The following AFG3L2 variants were observed in gnomAD, a reference collection of about 807,000 sequenced individuals.
The protein encoded by AFG3L2 is AFG3 like matrix AAA peptidase subunit 2, also known as mitochondrial inner membrane m-AAA protease component AFG3L2.
In AFG3L2, 54 loss-of-function variants were observed where a neutral mutation model predicts 94.5. That is an observed-to-expected ratio of 0.57 (90% CI 0.46 to 0.72). The LOEUF is 0.72. Among genes scored for constraint, AFG3L2 ranks in the 30% least tolerant of loss-of-function variants. The pLI, the probability that AFG3L2 is intolerant of heterozygous loss-of-function variation, is 0.00. For missense variants in AFG3L2, 754 were observed against 994.9 expected (o/e 0.76, Z 3.26); for synonymous variants, 377 against 365.5 (o/e 1.03, Z -0.36).
chr18:12,368,739 T>G (rs557405921), intron 3 of AFG3L2, among the ~76,000 whole-genome samples: 1 of 152,218 alleles, frequency 6.6e-6, no homozygotes, highest in Admixed American at 6.5e-5. Flanking sequence ...TAGTTGGGAT[T>G]ACAGGAGCAC....
chr18:12,335,666 C>A (rs557323501), intron 16 of AFG3L2, among the ~76,000 whole-genome samples: 1 of 152,196 alleles, frequency 6.6e-6, no homozygotes, highest in African/African-American at 2.4e-5. Context: ...AGGCTCAGGG[C>A]TGCCCCCGGG....
intron 13 of AFG3L2, among the ~76,000 whole-genome samples, chr18:12,345,098 A>G (rs1908091306): frequency 6.6e-6 from 1 of 152,226 alleles, no homozygotes; most frequent in African/African-American, 2.4e-5. Context: ...GGAGCTACCT[A>G]GGTGGAGCCA....
chr18:12,336,416 C>T (rs573437837), intron 16 of AFG3L2, among the ~76,000 whole-genome samples: 1 of 152,328 alleles, frequency 6.6e-6, no homozygotes, highest in South Asian at 2.1e-4. Context: ...GGATAGCTTC[C>T]ATGCCCTATG....
At position 12,337,593 on chromosome 18, in the gene AFG3L2, C is replaced by G. The variant is rs930385494; in HGVS notation, c.1981-58G>C. The G allele has an allele frequency of 4.2e-5, 66 of 1,555,008 alleles. 1 individual carries two copies. In the African/African-American group the frequency reaches 4.5e-4, roughly 11 times the overall value. On this transcript the variant is annotated intron_variant, in intron 15 of 16. Transcript: ENST00000269143. ...TGATTGTTCTTTAACCAGACAAAATCTACACAGCAGCCTGGAGCCGGCTAA... is the reference window on the plus strand; with the variant it reads ...TGATTGTTCTTTAACCAGACAAAATGTACACAGCAGCCTGGAGCCGGCTAA...
intron 9 of AFG3L2, among the ~76,000 whole-genome samples, chr18:12,356,304 A>G (rs1199544430): frequency 1.3e-5 from 2 of 152,108 alleles, no homozygotes; most frequent in African/African-American, 2.4e-5. Flanking sequence ...GGCATGCGCG[A>G]CCACGCCTGG....
At chr18:12,345,374 C>T (rs1908102222) in intron 13 of AFG3L2, among the ~76,000 whole-genome samples, 1 of 152,186 alleles carries the variant, frequency 6.6e-6, no homozygotes, top group Non-Finnish European at 1.5e-5. Flanking sequence ...TAAAACAAAT[C>T]ATCACACAGT....
chr18:12,347,528 G>A (rs1908180809), intron 13 of AFG3L2, among the ~76,000 whole-genome samples: 1 of 149,792 alleles, frequency 6.7e-6, no homozygotes, highest in African/African-American at 2.5e-5. Context: ...GCCTGTTACA[G>A]TTATTTTATT....
At chr18:12,341,582 C>T (rs1356121923) in intron 14 of AFG3L2, 1 of 152,208 alleles carries the variant, frequency 6.6e-6, no homozygotes, top group Non-Finnish European at 1.5e-5. Flanking sequence ...ATAGATACTG[C>T]TGTATGTATT....
At chr18:12,356,230 C>A (rs1908490632) in intron 9 of AFG3L2, among the ~76,000 whole-genome samples, 1 of 151,234 alleles carries the variant, frequency 6.6e-6, no homozygotes, top group Non-Finnish European at 1.5e-5. Flanking sequence ...TGGTTCACTG[C>A]AACTTCTGCC....
intron 14 of AFG3L2, chr18:12,342,927 G>T (rs1908000200): frequency 6.6e-6 from 1 of 152,036 alleles, no homozygotes; most frequent in Non-Finnish European, 1.5e-5. Context: ...TTAATACTGG[G>T]ATGAGTAACT....
In AFG3L2 at chr18:12,377,132, G is replaced by A. The variant is rs994326737; in HGVS notation, c.-50C>T. On this transcript the variant is annotated 5_prime_UTR_variant, in exon 1 of 17. Transcript: ENST00000269143. ...CCGGGACGCTGCGCAGGCGCGGGCA[G>A]GCGACGACTGGCGGCCTCGGGAAGC... The A allele has an allele frequency of 1.3e-5, 16 of 1,278,386 alleles. No homozygotes were observed. Among genetic ancestry groups the A allele is most frequent in the Middle Eastern group, 2.8e-4 (1 of 3,568 alleles). 79.2% of individuals were successfully genotyped at this position (1,278,386 alleles called of 1,614,324 possible).
At chr18:12,375,178 T>A (rs867055883) in intron 1 of AFG3L2, among the ~76,000 whole-genome samples, 1 of 150,276 alleles carries the variant, frequency 6.7e-6, no homozygotes, top group South Asian at 2.1e-4. Context: ...GGCGAAGAAA[T>A]TGATTTAAGA....
chr18:12,352,098 G>A (rs1356609401), intron 10 of AFG3L2, among the ~76,000 whole-genome samples: 1 of 152,138 alleles, frequency 6.6e-6, no homozygotes, highest in African/African-American at 2.4e-5. Flanking sequence ...TCTGAAGGCA[G>A]AGATCAACCT....
intron 9 of AFG3L2, among the ~76,000 whole-genome samples, chr18:12,356,492 A>G (rs548575715): frequency 6.6e-6 from 1 of 152,300 alleles, no homozygotes; most frequent in African/African-American, 2.4e-5. Flanking sequence ...AGCAGACTGC[A>G]GTCCTAGCTG....
chr18:12,331,106 T>C (rs533513887), intron 16 of AFG3L2, among the ~76,000 whole-genome samples: 27 of 152,346 alleles, frequency 1.8e-4, no homozygotes, highest in Admixed American at 1.2e-3. Context: ...AATACCTTAT[T>C]TTAACTGTAC....
chr18:12,360,307 A>C (rs1377644132), intron 6 of AFG3L2: 1 of 439,154 alleles, frequency 2.3e-6, no homozygotes, highest in East Asian at 4.2e-5. Flanking sequence ...AACTCAAAAA[A>C]CAGAATGAAA....
chr18:12,355,393 T>C (rs1908461001), intron 9 of AFG3L2, among the ~76,000 whole-genome samples: 1 of 152,120 alleles, frequency 6.6e-6, no homozygotes. Context: ...CACGAGATAC[T>C]ACATCACACC....
intron 13 of AFG3L2, among the ~76,000 whole-genome samples, chr18:12,344,634 G>A (rs1037096265): frequency 6.6e-5 from 10 of 150,926 alleles, no homozygotes; most frequent in Non-Finnish European, 1.3e-4. Flanking sequence ...AGATCATGCC[G>A]CTGCACTCCA....
rs367593474 is a variant in AFG3L2, at chr18:12,329,586, C to T, written c.2373G>A (p.Pro791=). ...GCCTCTAGTTGGCAACTTTCTCACC[C>T]GGGGGCTCCTCTTTCTCCTTTTCCC... ...KEREKEKEEP[P]GEKVAN The change falls in exon 17 of 17, where the codon CCG becomes CCA. Residue 791 remains proline, a synonymous_variant. Coordinates refer to ENST00000269143, the MANE Select transcript of AFG3L2 (RefSeq NM_006796.3). 6.8e-6 allele frequency: 11 copies of T among 1,613,872 alleles called. No individual in the cohort carries two copies. The highest frequency in any genetic ancestry group is 4.0e-5 in the African/African-American group (3 of 74,904).
Sources: allele counts gnomAD v4.1 joint callset (sites outside exome capture counted in the v4.1 genomes callset), GRCh38; gene constraint gnomAD v4.1.1; transcripts MANE v1.5; gene names NCBI Gene and HGNC (gene_info 2026-07-23, HGNC 2026-07-21).